The following ERC2 variants were observed in gnomAD, a reference collection of about 807,000 sequenced individuals.
ERC2 encodes ELKS/RAB6-interacting/CAST family member 2, also known as ERC protein 2.
ERC2 carries 42 observed loss-of-function variants against 114.8 expected under a neutral mutation model. That is an observed-to-expected ratio of 0.37 (90% CI 0.29 to 0.47). The LOEUF is 0.47. Ranked by LOEUF, ERC2 falls within the 20% of genes least tolerant of loss-of-function variation. The pLI is 0.99. For synonymous variants in ERC2, 454 were observed against 425.5 expected (o/e 1.07, Z -0.82); for missense variants, 939 against 1,150.7 (o/e 0.82, Z 2.66).
intron 2 of ERC2, among the ~76,000 whole-genome samples, chr3:56,377,063 G>T (rs116395819): frequency 0.02 from 3,027 of 152,180 alleles, 62 homozygotes; most frequent in Non-Finnish European, 0.03. Context: ...TTAACTCAAT[G>T]AACTGTTTAC....
intron 2 of ERC2, among the ~76,000 whole-genome samples, chr3:56,378,900 A>G (rs1451665253): frequency 1.3e-5 from 2 of 152,200 alleles, no homozygotes; most frequent in Non-Finnish European, 2.9e-5. Flanking sequence ...GCACAGTCCA[A>G]TGGAAGTGTA....
At chr3:55,544,998 G>A (rs1235457828) in intron 17 of ERC2, among the ~76,000 whole-genome samples, 1 of 152,170 alleles carries the variant, frequency 6.6e-6, no homozygotes, top group Non-Finnish European at 1.5e-5. Context: ...TTCATGTAAT[G>A]CAAAATAGCC....
chr3:56,392,003 G>A (rs1407960326), intron 2 of ERC2, among the ~76,000 whole-genome samples: 1 of 152,160 alleles, frequency 6.6e-6, no homozygotes, highest in Admixed American at 6.5e-5. Context: ...GCATGGTATA[G>A]CAGATGACAC....
chr3:56,118,595 A>AT (rs2079383265), intron 6 of ERC2, among the ~76,000 whole-genome samples: 1 of 150,778 alleles, frequency 6.6e-6, no homozygotes, highest in African/African-American at 2.4e-5. Flanking sequence ...ACGTAGTATA[A>AT]TTCCCAGTTT....
chr3:55,681,775 G>A (rs2062066297), intron 17 of ERC2, among the ~76,000 whole-genome samples: 1 of 152,216 alleles, frequency 6.6e-6, no homozygotes, highest in Non-Finnish European at 1.5e-5. Flanking sequence ...AGGGGATAGG[G>A]CTTAATACAA....
intron 14 of ERC2, among the ~76,000 whole-genome samples, chr3:55,770,087 T>TGCAAG (rs2068086437): frequency 6.6e-6 from 1 of 152,194 alleles, no homozygotes; most frequent in Admixed American, 6.5e-5. Context: ...GCAGACACTT[T>TGCAAG]AAGAGCCATT....
intron 7 of ERC2, among the ~76,000 whole-genome samples, chr3:56,064,242 C>T (rs1038155159): frequency 3.9e-5 from 6 of 152,194 alleles, no homozygotes; most frequent in Non-Finnish European, 7.3e-5. Flanking sequence ...CCCTAAGAAA[C>T]GTGTCGGTAA....
intron 17 of ERC2, among the ~76,000 whole-genome samples, chr3:55,552,509 G>T (rs1267119563): frequency 8.6e-5 from 13 of 151,978 alleles, no homozygotes; most frequent in African/African-American, 3.1e-4. Context: ...ATGTTTACAA[G>T]CTGCGTAAAC....
chr3:55,910,592 G>A (rs190512734), intron 13 of ERC2, among the ~76,000 whole-genome samples: 11 of 152,252 alleles, frequency 7.2e-5, no homozygotes, highest in African/African-American at 2.6e-4. Context: ...TAACTAATAA[G>A]TATTAATACT....
chr3:56,152,071 G>A (rs910733829), intron 4 of ERC2, among the ~76,000 whole-genome samples: 2 of 152,110 alleles, frequency 1.3e-5, no homozygotes, highest in Admixed American at 1.3e-4. Context: ...GCCTTCCTTA[G>A]AGACGGGGAA....
At chr3:55,863,453 G>GT (rs1316647382) in intron 14 of ERC2, among the ~76,000 whole-genome samples, 1 of 152,106 alleles carries the variant, frequency 6.6e-6, no homozygotes, top group Non-Finnish European at 1.5e-5. Context: ...AAGGAATATA[G>GT]TTCCCTAATG....
chr3:56,433,533 G>C (rs115265390), intron 2 of ERC2, among the ~76,000 whole-genome samples: 4 of 152,358 alleles, frequency 2.6e-5, no homozygotes, highest in East Asian at 1.9e-4. Context: ...GTGGAGGGAG[G>C]CAGCACAAGA....
intron 6 of ERC2, among the ~76,000 whole-genome samples, chr3:56,086,125 C>A (rs1046588077): frequency 6.6e-6 from 1 of 152,084 alleles, no homozygotes; most frequent in African/African-American, 2.4e-5. Flanking sequence ...TATGTCTCTA[C>A]CTGATGTTGG....
chr3:56,213,767 G>C lies in ERC2; in HGVS notation c.1075-40247C>G, dbSNP rs142242261. 2.6e-3 allele frequency among the ~76,000 whole-genome samples: 393 copies of C among 152,292 alleles called. 1 individual carries two copies. The highest frequency in any genetic ancestry group is 0.018 in the South Asian group (87 of 4,820). On this transcript the variant is annotated intron_variant, in intron 3 of 17. Coordinates refer to ENST00000288221, the MANE Select transcript of ERC2 (RefSeq NM_015576.3). ...TAGCGTAACTGGGAGGCACCCCCCAGTAGGGGCAGACTGACACTTCATACA... is the reference window on the plus strand; with the variant it reads ...TAGCGTAACTGGGAGGCACCCCCCACTAGGGGCAGACTGACACTTCATACA...
At chr3:55,798,597 C>CAAAA (rs769555442) in intron 14 of ERC2, among the ~76,000 whole-genome samples, 1 of 90,166 alleles carries the variant, frequency 1.1e-5, no homozygotes. Flanking sequence ...GACTTCGTTT[C>CAAAA]AAAAAAAAAA....
At chr3:56,396,557 C>T (rs998551840) in intron 2 of ERC2, among the ~76,000 whole-genome samples, 2 of 152,156 alleles carry the variant, frequency 1.3e-5, no homozygotes, top group African/African-American at 4.8e-5. Flanking sequence ...GTAGTATGTG[C>T]TCACAATGTT....
chr3:56,162,942 T>C (rs2082131149), intron 4 of ERC2, among the ~76,000 whole-genome samples: 1 of 152,114 alleles, frequency 6.6e-6, no homozygotes, highest in Non-Finnish European at 1.5e-5. Context: ...TTCTAGTTTT[T>C]CTAGGTGTGA....
intron 1 of ERC2, among the ~76,000 whole-genome samples, chr3:56,438,240 G>C (rs78776471): frequency 6.6e-6 from 1 of 152,082 alleles, no homozygotes. Flanking sequence ...CTGCATTTGG[G>C]CAATGAGATG....
At chr3:56,271,948 G>C (rs991802110) in intron 3 of ERC2, among the ~76,000 whole-genome samples, 2 of 152,116 alleles carry the variant, frequency 1.3e-5, no homozygotes, top group Non-Finnish European at 2.9e-5. Context: ...TGGCTGTGTA[G>C]TATTCTGTGG....
Sources: gnomAD v4.1 joint callset for allele counts (sites outside exome capture counted in the v4.1 genomes callset) on GRCh38, gnomAD v4.1.1 for gene constraint, MANE v1.5 for transcripts, NCBI Gene and HGNC (gene_info 2026-07-23, HGNC 2026-07-21) for gene names.